The following FBLN5 variants were observed in gnomAD, a reference collection of about 807,000 sequenced individuals.
FBLN5 encodes fibulin 5, also known as fibulin-5.
A neutral mutation model predicts 61.6 loss-of-function variants in FBLN5; 24 were observed. The ratio of observed to expected loss-of-function variants is 0.39; its 90% CI spans 0.28 to 0.55. FBLN5 has a LOEUF of 0.55. Ranked by LOEUF, FBLN5 falls within the 20% of genes least tolerant of loss-of-function variation. The pLI, the probability that FBLN5 is intolerant of heterozygous loss-of-function variation, is 0.65. For missense variants in FBLN5, 470 were observed against 594.1 expected, an observed-to-expected ratio of 0.79 and a Z score of 2.17; for synonymous variants, 213 against 219.8, an observed-to-expected ratio of 0.97 and a Z score of 0.27.
At chr14:91,886,578 C>T (rs1889733276) in intron 7 of FBLN5, among the ~76,000 whole-genome samples, 1 of 152,186 alleles carries the variant, frequency 6.6e-6, no homozygotes, top group African/African-American at 2.4e-5. Flanking sequence ...ACTAACCCAT[C>T]ATATCTATGT....
chr14:91,894,414 A>C lies in FBLN5; in HGVS notation c.502+536T>G, dbSNP rs1466582241. Among the ~76,000 whole-genome samples, 4 of 141,712 alleles carry C rather than the reference A, an allele frequency of 2.8e-5. 1 individual carries two copies. Among genetic ancestry groups the C allele is most frequent in the African/African-American group, 7.8e-5 (3 of 38,400 alleles). 93.0% of individuals were successfully genotyped at this position (141,712 alleles called of 152,430 possible). ...GGAGACACCATATCAAAAAAAAAAA[A>C]AAAAAAAAAAAAACCGAAAAAAACC... On this transcript the variant is annotated intron_variant, in intron 5 of 10. Coordinates refer to ENST00000342058, the MANE Select transcript of FBLN5 (RefSeq NM_006329.4).
At chr14:91,939,904 G>T (rs776209263) in intron 3 of FBLN5, 1 of 453,260 alleles carries the variant, frequency 2.2e-6, no homozygotes, top group Non-Finnish European at 4.4e-6. Flanking sequence ...ATATTCACAG[G>T]AGTTCTTAAA....
At chr14:91,940,716 A>G (rs886085652) in intron 2 of FBLN5, 100 bp from the exon 3 acceptor site, 1 of 973,768 alleles carries the variant, frequency 1.0e-6, no homozygotes, top group Non-Finnish European at 1.6e-6. Context: ...CAAAAAAGAA[A>G]GGCCTCCAAA....
chr14:91,878,906 C>T (rs567810194), intron 9 of FBLN5, among the ~76,000 whole-genome samples: 103 of 152,276 alleles, frequency 6.8e-4, no homozygotes, highest in African/African-American at 2.5e-3. Context: ...GAGTTCAAGA[C>T]CTCTGGCTTT....
At chr14:91,892,788 G>A (rs188489693) in intron 5 of FBLN5, among the ~76,000 whole-genome samples, 6 of 152,318 alleles carry the variant, frequency 3.9e-5, no homozygotes, top group African/African-American at 1.4e-4. Context: ...CATCTTCAGT[G>A]GTACACAGAA....
intron 10 of FBLN5, among the ~76,000 whole-genome samples, chr14:91,876,426 G>T (rs947676934): frequency 5.9e-5 from 9 of 152,326 alleles, no homozygotes; most frequent in East Asian, 5.8e-4. Context: ...CCCCCAAAAA[G>T]ATGCAAGTCC....
chr14:91,929,013 G>A (rs996338093), intron 4 of FBLN5, among the ~76,000 whole-genome samples: 6 of 151,446 alleles, frequency 4.0e-5, no homozygotes, highest in African/African-American at 7.3e-5. Context: ...AGCCAAGATC[G>A]TGCCACTGTA....
At chr14:91,926,770 TGGAGTGGATCGGGG>T (rs1184053842) in intron 4 of FBLN5, among the ~76,000 whole-genome samples, 1 of 138,726 alleles carries the variant, frequency 7.2e-6, no homozygotes, top group Non-Finnish European at 1.6e-5. Flanking sequence ...TGCAGGTACG[TGGAGTGGATCGGGG>T]GGAGTGGACG....
In FBLN5 at chr14:91,943,603, C is replaced by T. The variant is rs906679584; in HGVS notation, c.18-642G>A. On this transcript the variant is annotated intron_variant, in intron 1 of 10. Coordinates refer to ENST00000342058, the MANE Select transcript of FBLN5 (RefSeq NM_006329.4). This position sits in a 1 kb window ranked among gnomAD's most constrained non-coding sequence, Gnocchi z 4.0. ...ATGCGAGATGTGCTTGACTTTTGAA[C>T]ATCTTTATGCTGACATGATTACAGA... Among the ~76,000 whole-genome samples, 19 of 152,146 alleles carry T rather than the reference C, an allele frequency of 1.2e-4. 1 individual carries two copies. The highest frequency in any genetic ancestry group is 4.3e-4 in the African/African-American group (18 of 41,490).
intron 4 of FBLN5, among the ~76,000 whole-genome samples, chr14:91,908,914 T>A (rs895234497): frequency 6.6e-6 from 1 of 152,072 alleles, no homozygotes; most frequent in African/African-American, 2.4e-5. Context: ...ACTTTTTTTT[T>A]TAATTAATTA....
chr14:91,938,979 T>C (rs570638212), intron 3 of FBLN5, among the ~76,000 whole-genome samples: 3 of 152,362 alleles, frequency 2.0e-5, no homozygotes, highest in African/African-American at 7.2e-5. Context: ...AAACACCTTA[T>C]TTTAAAATCA....
intron 1 of FBLN5, among the ~76,000 whole-genome samples, chr14:91,944,282 A>G (rs2056151087): frequency 1.3e-5 from 2 of 152,224 alleles, no homozygotes; most frequent in Admixed American, 1.3e-4. Context: ...CTTCACACTC[A>G]TGAGGCTATT....
In FBLN5 at chr14:91,905,880, GTTGTTTGT is replaced by G. The variant is rs149035995; in HGVS notation, c.380-10816_380-10809del. 4.0e-5 allele frequency among the ~76,000 whole-genome samples: 6 copies of G among 151,066 alleles called. No individual in the cohort carries two copies. In the South Asian group the frequency reaches 6.3e-4, roughly 16 times the overall value. On this transcript the variant is annotated intron_variant, in intron 4 of 10. Transcript: ENST00000342058. ...GGTGTGAGCCACCACACCTGGCCGA[GTTGTTTGT>G]TTGTTTGTTTGTTTTTTCACACAAA...
intron 4 of FBLN5, among the ~76,000 whole-genome samples, chr14:91,930,746 T>C (rs939652043): frequency 2.0e-5 from 3 of 152,172 alleles, no homozygotes; most frequent in South Asian, 4.1e-4. Flanking sequence ...GCCACATTTG[T>C]TCCCACTTCC....
chr14:91,912,657 A>G (rs1309987228), intron 4 of FBLN5, among the ~76,000 whole-genome samples: 1 of 151,994 alleles, frequency 6.6e-6, no homozygotes, highest in Non-Finnish European at 1.5e-5. Context: ...AGAAAAGAAA[A>G]AAATTAGCTG....
intron 6 of FBLN5, among the ~76,000 whole-genome samples, chr14:91,888,799 G>A (rs1053660852): frequency 4.6e-5 from 7 of 152,054 alleles, no homozygotes; most frequent in African/African-American, 9.7e-5. Context: ...ACAGCTCATC[G>A]TGCGGGGAGG....
intron 4 of FBLN5, among the ~76,000 whole-genome samples, chr14:91,904,958 T>C (rs1204144855): frequency 1.3e-5 from 2 of 152,092 alleles, no homozygotes; most frequent in East Asian, 1.9e-4. Context: ...AGGAGCATCA[T>C]AGAAGGGAAA....
intron 10 of FBLN5, among the ~76,000 whole-genome samples, chr14:91,872,546 T>C (rs1888989172): frequency 6.6e-6 from 1 of 152,078 alleles, no homozygotes; most frequent in South Asian, 2.1e-4. Context: ...GGGCGCCCCA[T>C]AAAGTTCTGA....
intron 2 of FBLN5, among the ~76,000 whole-genome samples, chr14:91,942,379 G>T (rs572342789): frequency 2.0e-5 from 3 of 152,366 alleles, no homozygotes; most frequent in African/African-American, 7.2e-5. Flanking sequence ...TCCTCCAGGA[G>T]GGGTGTGTCT....
Sources: gnomAD v4.1 joint callset for allele counts (sites outside exome capture counted in the v4.1 genomes callset) on GRCh38, gnomAD v4.1.1 for gene constraint, Gnocchi (gnomAD v3.1) non-coding constraint, MANE v1.5 for transcripts, NCBI Gene and HGNC (gene_info 2026-07-23, HGNC 2026-07-21) for gene names.